Variants in ABTB3 observed in about 807,000 individuals in gnomAD.
ABTB3 encodes ankyrin repeat- and BTB/POZ domain-containing protein 3.
At chr12:107,586,303 G>A in the ABTB3 span, among the ~76,000 whole-genome samples, 2 of 151,954 alleles carry the variant, frequency 1.3e-5, no homozygotes, top group East Asian at 3.9e-4. Context: ...TCAGACCTCG[G>A]GCCTCCCCCA....
At chr12:107,633,973 C>CA in the ABTB3 span, among the ~76,000 whole-genome samples, 2 of 152,198 alleles carry the variant, frequency 1.3e-5, no homozygotes, top group Non-Finnish European at 2.9e-5. Flanking sequence ...GATAGGCAGG[C>CA]AGTTATTTTT....
the ABTB3 span, among the ~76,000 whole-genome samples, chr12:107,553,880 C>G: frequency 6.6e-6 from 1 of 152,146 alleles, no homozygotes; most frequent in Non-Finnish European, 1.5e-5. Flanking sequence ...GTGGAGGTAG[C>G]AGTGAGCCAA....
the ABTB3 span, among the ~76,000 whole-genome samples, chr12:107,611,093 T>TAC: frequency 5.9e-5 from 9 of 152,094 alleles, no homozygotes; most frequent in African/African-American, 9.7e-5. Flanking sequence ...GGAGCTCTAA[T>TAC]ACACACACAC....
the ABTB3 span, among the ~76,000 whole-genome samples, chr12:107,338,289 CTTATTA>C: frequency 5.9e-5 from 9 of 152,248 alleles, no homozygotes; most frequent in Non-Finnish European, 8.8e-5. Flanking sequence ...CCCACAACGC[CTTATTA>C]TTATTAATTC....
At chr12:107,426,257 C>T in the ABTB3 span, among the ~76,000 whole-genome samples, 18 of 152,198 alleles carry the variant, frequency 1.2e-4, no homozygotes, top group African/African-American at 4.3e-4. Context: ...TCTAGGCAGG[C>T]CCAAGGTAGA....
chr12:107,421,631 C>G, the ABTB3 span, among the ~76,000 whole-genome samples: 14 of 152,220 alleles, frequency 9.2e-5, no homozygotes. Flanking sequence ...CCACCTTTGA[C>G]AGGGGTCCAC....
chr12:107,567,287 G>A, the ABTB3 span, among the ~76,000 whole-genome samples: 2 of 152,338 alleles, frequency 1.3e-5, no homozygotes, highest in South Asian at 4.1e-4. Context: ...TTCTACAAGT[G>A]GAGCTTAGAG....
the ABTB3 span, among the ~76,000 whole-genome samples, chr12:107,504,105 CA>C: frequency 6.6e-6 from 1 of 152,192 alleles, no homozygotes; most frequent in Admixed American, 6.5e-5. Flanking sequence ...ACAGCAATGA[CA>C]AACGAGAATT....
At chr12:107,359,043 G>A in the ABTB3 span, among the ~76,000 whole-genome samples, 1 of 152,220 alleles carries the variant, frequency 6.6e-6, no homozygotes, top group Non-Finnish European at 1.5e-5. Context: ...CAGCAGGTGT[G>A]GCATGGGACA....
the ABTB3 span, among the ~76,000 whole-genome samples, chr12:107,484,503 A>T: frequency 3.9e-5 from 6 of 152,168 alleles, no homozygotes; most frequent in Non-Finnish European, 1.5e-5. Flanking sequence ...CCAGGGGTGA[A>T]TGGGTCCCTT....
chr12:107,549,423 A>G, the ABTB3 span, among the ~76,000 whole-genome samples: 2 of 152,232 alleles, frequency 1.3e-5, no homozygotes, highest in African/African-American at 4.8e-5. Context: ...CAGTTATGCA[A>G]TAAGTCCAGC....
the ABTB3 span, among the ~76,000 whole-genome samples, chr12:107,589,364 C>T: frequency 2.0e-5 from 3 of 152,190 alleles, no homozygotes; most frequent in African/African-American, 4.8e-5. Flanking sequence ...GGACCTTCTG[C>T]CACTGCTGGA....
At chr12:107,445,889 CT>C in the ABTB3 span, among the ~76,000 whole-genome samples, 1 of 138,032 alleles carries the variant, frequency 7.2e-6, no homozygotes, top group African/African-American at 2.7e-5. Context: ...CCTCTCCCCT[CT>C]CCCCTCTCCC....
the ABTB3 span, among the ~76,000 whole-genome samples, chr12:107,580,021 G>T: frequency 6.6e-6 from 1 of 152,196 alleles, no homozygotes; most frequent in Admixed American, 6.5e-5. Context: ...TAGAGCAGAG[G>T]TTCTTTGAGA....
the ABTB3 span, among the ~76,000 whole-genome samples, chr12:107,449,128 G>A: frequency 1.3e-5 from 2 of 152,292 alleles, no homozygotes; most frequent in African/African-American, 4.8e-5. Flanking sequence ...GGGCCCTTGG[G>A]TTTCCCACTT....
the ABTB3 span, among the ~76,000 whole-genome samples, chr12:107,418,587 T>C: frequency 1.3e-5 from 2 of 152,144 alleles, no homozygotes; most frequent in African/African-American, 2.4e-5. Flanking sequence ...CACCACACAG[T>C]AGGTGTTCCA....
chr12:107,511,297 T>C, the ABTB3 span, among the ~76,000 whole-genome samples: 1 of 152,214 alleles, frequency 6.6e-6, no homozygotes, highest in Non-Finnish European at 1.5e-5. Context: ...AAGTACCAGT[T>C]AGATATTGTG....
chr12:107,463,271 A>T, the ABTB3 span, among the ~76,000 whole-genome samples: 6 of 150,296 alleles, frequency 4.0e-5, no homozygotes, highest in South Asian at 6.4e-4. Flanking sequence ...GGTGATGATG[A>T]TAGAGTGACA....
chr12:107,403,005 A>G, the ABTB3 span, among the ~76,000 whole-genome samples: 5 of 152,208 alleles, frequency 3.3e-5, no homozygotes, highest in Admixed American at 6.5e-5. Context: ...TGTCTTAGAC[A>G]TGGATCCTGC....
Sources: allele counts gnomAD v4.1 joint callset (sites outside exome capture counted in the v4.1 genomes callset), GRCh38; gene constraint gnomAD v4.1.1; transcripts MANE v1.5; gene names NCBI Gene and HGNC (gene_info 2026-07-23, HGNC 2026-07-21).